Variants in FAM180A observed in about 807,000 individuals in gnomAD.
FAM180A encodes the protein protein FAM180A.
Under a neutral mutation model 15.3 loss-of-function variants are expected in FAM180A, and 14 were observed. The ratio of observed to expected loss-of-function variants is 0.92; its 90% CI spans 0.61 to 1.43. The LOEUF is 1.43. Among genes scored for constraint, FAM180A ranks in the 40% most tolerant of loss-of-function variants. FAM180A has a pLI of 0.00. For missense variants in FAM180A, 200 were observed against 220.8 expected (o/e 0.91, Z 0.60); for synonymous variants, 90 against 96.8 (o/e 0.93, Z 0.41).
chr7:135,736,400 G>A (rs1446942779), intron 2 of FAM180A, among the ~76,000 whole-genome samples: 2 of 152,220 alleles, frequency 1.3e-5, no homozygotes, highest in Non-Finnish European at 2.9e-5. Flanking sequence ...GGGAATTTTG[G>A]ACAGCCTAGT....
At chr7:135,742,672 T>G (rs1170133328) in intron 1 of FAM180A, among the ~76,000 whole-genome samples, 2 of 152,206 alleles carry the variant, frequency 1.3e-5, no homozygotes, top group Admixed American at 6.5e-5. Flanking sequence ...ATGATTCATG[T>G]GTTATAGCGT....
chr7:135,743,537 C>T (rs7805151), intron 1 of FAM180A, among the ~76,000 whole-genome samples: 12,141 of 152,052 alleles, frequency 0.08, 1,008 homozygotes, highest in African/African-American at 0.22. Context: ...CCTTTGCAAT[C>T]GCTTGGCAAA....
intron 3 of FAM180A, among the ~76,000 whole-genome samples, chr7:135,732,869 A>G (rs2129495891): frequency 6.6e-6 from 1 of 152,378 alleles, no homozygotes; most frequent in African/African-American, 2.4e-5. Context: ...GAATTCTGTC[A>G]TCTGAAAATC....
intron 1 of FAM180A, among the ~76,000 whole-genome samples, chr7:135,741,959 G>T (rs1350700157): frequency 6.6e-6 from 1 of 152,204 alleles, no homozygotes; most frequent in African/African-American, 2.4e-5. Context: ...ATGTATGTGT[G>T]GGAAGCACAG....
chr7:135,731,119 C>G (rs1796774441), intron 3 of FAM180A, among the ~76,000 whole-genome samples: 1 of 152,088 alleles, frequency 6.6e-6, no homozygotes, highest in Non-Finnish European at 1.5e-5. Flanking sequence ...TCAGGGACTA[C>G]AAGGGTGGGC....
rs762188139 is a variant in FAM180A, at chr7:135,737,212, A to G, written c.77-13T>C. On this transcript the variant is annotated splice_polypyrimidine_tract_variant and intron_variant, in intron 1 of 3. Coordinates refer to ENST00000338588, the MANE Select transcript of FAM180A (RefSeq NM_205855.4). ...GGGAAGAGCACAGCTGAAAGAAAGA[A>G]AACAGTGAGTTCCTGGCTGCTGTGT... is the stretch of plus-strand genomic sequence containing the variant. 2 of 1,575,786 alleles carry G rather than the reference A, an allele frequency of 1.3e-6. No individual in the cohort carries two copies. The highest frequency in any genetic ancestry group is 2.4e-5 in the South Asian group (2 of 84,314).
In FAM180A at chr7:135,733,676, C is replaced by G; in HGVS notation, c.*299G>C. On this transcript the variant is annotated 3_prime_UTR_variant, in exon 3 of 4. Coordinates refer to ENST00000338588, the MANE Select transcript of FAM180A (RefSeq NM_205855.4). ...CTCACTCTTGAGTGTGTGGCCACTG[C>G]TCTGGGTTGAAGCATATCAGAATTC... 1 of 1,171,612 alleles carries G rather than the reference C, an allele frequency of 8.5e-7. No individual in the cohort carries two copies. Among genetic ancestry groups the G allele is most frequent in the Non-Finnish European group, 1.1e-6 (1 of 948,706 alleles). The allele number at this position is 1,171,612 out of a possible 1,614,324, so 72.6% of individuals were successfully genotyped here. A position where few individuals can be genotyped will look rare whatever the true frequency, so the allele number is the denominator to read the frequency against.
At chr7:135,735,131 G>C (rs1563178742) in intron 2 of FAM180A, among the ~76,000 whole-genome samples, 1 of 152,092 alleles carries the variant, frequency 6.6e-6, no homozygotes, top group Non-Finnish European at 1.5e-5. Flanking sequence ...TCGAACTCCT[G>C]ACCTCAGATG....
In FAM180A at chr7:135,730,057, G is replaced by A. The variant is rs942468077; in HGVS notation, c.*554C>T. The A allele has an allele frequency of 3.0e-6, 3 of 985,030 alleles. No individual in the cohort carries two copies. In the African/African-American group the frequency reaches 5.2e-5, roughly 17 times the overall value. The allele number at this position is 985,030 out of a possible 1,614,324, so 61.0% of individuals were successfully genotyped here. A position where few individuals can be genotyped will look rare whatever the true frequency, so the allele number is the denominator to read the frequency against. On this transcript the variant is annotated 3_prime_UTR_variant, in exon 4 of 4. Transcript: ENST00000338588. ...ATTGAAATGGATTAGGAAAGTAAGG[G>A]GTGTTGTAAAAAGTCATTTAACAAG...
At chr7:135,737,276 G>T in intron 1 of FAM180A, 77 bp from the exon 2 acceptor site, 1 of 1,156,260 alleles carries the variant, frequency 8.6e-7, no homozygotes, top group Non-Finnish European at 1.2e-6. Flanking sequence ...CTTGAAGGTA[G>T]TCAAGGAGTC....
chr7:135,737,313 A>G, intron 1 of FAM180A, 114 bp from the exon 2 acceptor site: 2 of 783,234 alleles, frequency 2.6e-6, no homozygotes, highest in East Asian at 3.0e-5. Flanking sequence ...TTGGCCAGGC[A>G]CGGTGGCTCA....
intron 3 of FAM180A, among the ~76,000 whole-genome samples, chr7:135,733,056 C>A (rs1165146058): frequency 1.3e-5 from 2 of 152,164 alleles, no homozygotes; most frequent in African/African-American, 4.8e-5. Context: ...TCCTGTTTCT[C>A]TTCTGTGTTA....
chr7:135,743,017 G>A (rs1796973957), intron 1 of FAM180A, among the ~76,000 whole-genome samples: 1 of 152,164 alleles, frequency 6.6e-6, no homozygotes, highest in African/African-American at 2.4e-5. Flanking sequence ...CTTCAGTTCT[G>A]AATAACTACA....
In FAM180A at chr7:135,734,015, TGCCTCA is replaced by T; in HGVS notation, c.476_481del (p.Leu159_Arg160del). ...CGGCTGTGAGGAGCGCATCAAGTCG[TGCCTCA>T]GGGCCTGGAAGAGGCTAACGAGGGA... is the stretch of plus-strand genomic sequence containing the variant. On this transcript the variant is annotated inframe_deletion, in exon 3 of 4. Coordinates refer to ENST00000338588, the MANE Select transcript of FAM180A (RefSeq NM_205855.4). 1 of 1,613,204 alleles carries T rather than the reference TGCCTCA, an allele frequency of 6.2e-7. No homozygotes were observed. Among genetic ancestry groups the T allele is most frequent in the Non-Finnish European group, 8.5e-7 (1 of 1,179,486 alleles).
At position 135,733,645 on chromosome 7, in the gene FAM180A, C is replaced by T; in HGVS notation, c.*329+1G>A. On this transcript the variant is annotated splice_donor_variant, in intron 3 of 3. Coordinates refer to ENST00000338588, the MANE Select transcript of FAM180A (RefSeq NM_205855.4). LOFTEE classifies it low-confidence loss of function (3UTR_SPLICE). Reference sequence around the variant, plus strand: ...TACAGGCGTGAGCCTCTGTGCCCGGCCTGTTCTCACTCTTGAGTGTGTGGC... The same window carrying T: ...TACAGGCGTGAGCCTCTGTGCCCGGTCTGTTCTCACTCTTGAGTGTGTGGC... 9.3e-7 allele frequency: 1 copy of T among 1,075,680 alleles called. No individual in the cohort carries two copies. Among genetic ancestry groups the T allele is most frequent in the Non-Finnish European group, 1.1e-6 (1 of 889,450 alleles). The allele number at this position is 1,075,680 out of a possible 1,614,324, so 66.6% of individuals were successfully genotyped here.
chr7:135,739,887 AGCCTGGCAGGCTTCCGGGG>A (rs1419309348), intron 1 of FAM180A, among the ~76,000 whole-genome samples: 17 of 152,304 alleles, frequency 1.1e-4, no homozygotes, highest in Admixed American at 2.6e-4. Flanking sequence ...CCCGTGGCAG[AGCCTGGCAGGCTTCCGGGG>A]TGTGCGCTGG....
At chr7:135,747,811 C>T (rs1797052040) in intron 1 of FAM180A, among the ~76,000 whole-genome samples, 1 of 152,174 alleles carries the variant, frequency 6.6e-6, no homozygotes, top group South Asian at 2.1e-4. Context: ...CAGTGATAAA[C>T]TCTGGCTCGA....
intron 1 of FAM180A, among the ~76,000 whole-genome samples, chr7:135,746,951 TTAGCCAGGCGTGGTGGTGCGCACCTG>T (rs1330265241): frequency 5.3e-5 from 8 of 151,954 alleles, no homozygotes; most frequent in African/African-American, 7.3e-5. Flanking sequence ...AATACAAAAA[TTAGCCAGGCGTGGTGGTGCGCACCTG>T]TAACTCCAGC....
chr7:135,736,433 G>A (rs1360213540), intron 2 of FAM180A, among the ~76,000 whole-genome samples: 2 of 152,242 alleles, frequency 1.3e-5, no homozygotes, highest in Non-Finnish European at 2.9e-5. Context: ...TTTAACAGTT[G>A]AGGAGAGTCA....
Sources: allele counts gnomAD v4.1 joint callset (sites outside exome capture counted in the v4.1 genomes callset), GRCh38; gene constraint gnomAD v4.1.1; transcripts MANE v1.5; gene names NCBI Gene and HGNC (gene_info 2026-07-23, HGNC 2026-07-21).